CDK10: variants seen among roughly 807,000 people sequenced by gnomAD.
CDK10 encodes the protein cyclin dependent kinase 10, also known as cyclin-dependent kinase 10.
In CDK10, 55 loss-of-function variants were observed where a neutral mutation model predicts 51.0. The observed-to-expected ratio is 1.08, with a 90% CI of 0.87 to 1.35. CDK10 has a LOEUF of 1.35. Among genes scored for constraint, CDK10 ranks in the 40% most tolerant of loss-of-function variants. CDK10 has a pLI of 0.00. For missense variants in CDK10, 589 were observed against 485.1 expected (o/e 1.21, Z -2.01); for synonymous variants, 255 against 199.1 (o/e 1.28, Z -2.36).
At chr16:89,691,777 G>C (rs2060461374) in intron 4 of CDK10, 29 bp from the exon 5 acceptor site, 1 of 1,603,182 alleles carries the variant, frequency 6.2e-7, no homozygotes, top group Admixed American at 1.7e-5. Flanking sequence ...GAAGGCCGGA[G>C]AGTGGCATGC....
At chr16:89,693,211 G>T in intron 6 of CDK10, 63 bp from the exon 7 acceptor site, 1 of 1,462,096 alleles carries the variant, frequency 6.8e-7, no homozygotes, top group Middle Eastern at 1.8e-4. Context: ...CATTGGTGCC[G>T]TGGGGGAGCT....
Position 89,695,773 on chromosome 16 carries a change from T to A in CDK10, c.*81T>A. On this transcript the variant is annotated 3_prime_UTR_variant, in exon 13 of 13. Transcript: ENST00000353379. ...CTGTGAAGGGTGCCGCGAGCCAGGC[T>A]GACCAGGCGCCCGGGATCCAGCTCA... 6.3e-7 allele frequency: 1 copy of A among 1,583,622 alleles called. No homozygotes were observed. Among genetic ancestry groups the A allele is most frequent in the Non-Finnish European group, 8.6e-7 (1 of 1,167,978 alleles).
chr16:89,695,996 G>A lies in CDK10; in HGVS notation c.*304G>A, dbSNP rs1307724685. On this transcript the variant is annotated 3_prime_UTR_variant, in exon 13 of 13. Transcript: ENST00000353379. ...GCTATGTTGGAAATGTGCAACCACT[G>A]CTTCTTGGGAGGAGTGGTGGGTGCA... 20 of 606,744 alleles carry A rather than the reference G, an allele frequency of 3.3e-5. No individual in the cohort carries two copies. The highest frequency in any genetic ancestry group is 5.6e-5 in the Non-Finnish European group (19 of 339,922). 37.6% of individuals were successfully genotyped at this position (606,744 alleles called of 1,614,324 possible). A position where few individuals can be genotyped will look rare whatever the true frequency, so the allele number is the denominator to read the frequency against.
At chr16:89,694,316 AG>A in intron 9 of CDK10, 84 bp downstream of exon 9, 1 of 1,411,668 alleles carries the variant, frequency 7.1e-7, no homozygotes, top group Non-Finnish European at 9.9e-7. Context: ...GCTCAGCCTC[AG>A]GGGAGGGGCA....
At chr16:89,694,006 A>G (rs2060576029) in intron 8 of CDK10, 167 bp from the exon 9 acceptor site, 2 of 677,184 alleles carry the variant, frequency 3.0e-6, no homozygotes, top group Admixed American at 2.4e-5. Flanking sequence ...GCCCCCGGCA[A>G]CCATTGCTGT....
In CDK10 at chr16:89,692,712, C is replaced by G. The variant is rs537990455; in HGVS notation, c.485+196C>G. 6.5e-5 allele frequency: 28 copies of G among 427,962 alleles called. No homozygotes were observed. The South Asian group carries it at 6.9e-4, about 11-fold the overall frequency. 26.5% of individuals were successfully genotyped at this position (427,962 alleles called of 1,614,324 possible). A position where few individuals can be genotyped will look rare whatever the true frequency, so the allele number is the denominator to read the frequency against. On this transcript the variant is annotated intron_variant, in intron 6 of 12. Coordinates refer to ENST00000353379, the MANE Select transcript of CDK10 (RefSeq NM_052988.5). ...CAGGCTGGTCTCACACACTTGGGCTCAAGTGATCCACCCACCTTGGCCTCC... is the reference window on the plus strand; with the variant it reads ...CAGGCTGGTCTCACACACTTGGGCTGAAGTGATCCACCCACCTTGGCCTCC...
chr16:89,692,241 A>C (rs1326058727), intron 5 of CDK10: 2 of 497,812 alleles, frequency 4.0e-6, no homozygotes, highest in African/African-American at 2.3e-5. Context: ...CTGCTGGGAG[A>C]GTGCAGCCCC....
At chr16:89,694,818 C>T (rs573527013) in intron 10 of CDK10, 30 bp downstream of exon 10, 5 of 1,203,458 alleles carry the variant, frequency 4.2e-6, no homozygotes, top group Admixed American at 2.9e-5. Context: ...CCGCAGCCCC[C>T]GCCCGTGCCC....
In CDK10 at chr16:89,694,766, C is replaced by T. The variant is rs1457917965; in HGVS notation, c.770C>T (p.Thr257Met). The T allele has an allele frequency of 5.8e-6, 9 of 1,565,082 alleles. No individual in the cohort carries two copies. Among genetic ancestry groups the T allele is most frequent in the East Asian group, 2.4e-5 (1 of 41,472 alleles). ...QIDLIVQLLG[T>M]PSENIWPGFS... ...GACTTGATCGTGCAGCTGCTGGGCACGCCCAGTGAGAACATCTGGCCGGTG... is the reference window on the plus strand; with the variant it reads ...GACTTGATCGTGCAGCTGCTGGGCATGCCCAGTGAGAACATCTGGCCGGTG... Residue 257 changes from threonine to methionine, a missense_variant, in exon 10 of 13, where the codon ACG becomes ATG. Thr to Met is a moderately conservative substitution (Grantham distance 81, BLOSUM62 -1). Coordinates refer to ENST00000353379, the MANE Select transcript of CDK10 (RefSeq NM_052988.5).
chr16:89,687,705 GGCGTGAGCCACC>G, intron 1 of CDK10: 2 of 415,440 alleles, frequency 4.8e-6, no homozygotes, highest in South Asian at 3.4e-5. Context: ...TGGAATTACA[GGCGTGAGCCACC>G]GCCCCCAGCC....
Position 89,691,833 on chromosome 16 carries a change from G to A in CDK10, c.363G>A (p.Glu121=). 6.2e-7 allele frequency: 1 copy of A among 1,614,060 alleles called. No homozygotes were observed. Among genetic ancestry groups the A allele is most frequent in the South Asian group, 1.1e-5 (1 of 91,076 alleles). ...TCTTCCTGGTGATGGGTTACTGTGAGCAGGACCTGGCCAGCCTCCTGGAGA... is the reference window on the plus strand; with the variant it reads ...TCTTCCTGGTGATGGGTTACTGTGAACAGGACCTGGCCAGCCTCCTGGAGA... ...ESIFLVMGYC[E]QDLASLLENM... is the part of the protein sequence containing the mutation. Residue 121 remains glutamate (E), a synonymous_variant, in exon 5 of 13, where the codon GAG becomes GAA. Transcript: ENST00000353379.
chr16:89,695,699 G>C lies in CDK10; in HGVS notation c.*7G>C, dbSNP rs1387700421. 2.1e-5 allele frequency: 33 copies of C among 1,592,670 alleles called. No homozygotes were observed. The highest frequency in any genetic ancestry group is 3.5e-5 in the Admixed American group (2 of 57,704). ...CAAGCGCTGTAAACCCTGACGGTGG[G>C]CCTGGCACACGCCTGTATTCCCACA... On this transcript the variant is annotated 3_prime_UTR_variant, in exon 13 of 13. Transcript: ENST00000353379.
intron 4 of CDK10, 33 bp downstream of exon 4, chr16:89,691,578 T>C (rs1472531668): frequency 2.2e-6 from 3 of 1,380,360 alleles, no homozygotes; most frequent in South Asian, 1.2e-5. Flanking sequence ...CATTGGGCCC[T>C]AGGGAGCATG....
intron 12 of CDK10, 43 bp downstream of exon 12, chr16:89,695,388 G>C: frequency 6.3e-7 from 1 of 1,594,198 alleles, no homozygotes; most frequent in East Asian, 2.2e-5. Context: ...GGGTATGGCT[G>C]GGAGCCCGTT....
chr16:89,689,394 G>A (rs538019868), intron 2 of CDK10, 70 bp downstream of exon 2: 544 of 1,400,746 alleles, frequency 3.9e-4, no homozygotes, highest in Non-Finnish European at 5.2e-4. Context: ...GACTGTCGAA[G>A]CAGCAGCCGC....
At chr16:89,693,664 C>A in intron 8 of CDK10, 197 bp downstream of exon 8, 1 of 611,324 alleles carries the variant, frequency 1.6e-6, no homozygotes, top group Non-Finnish European at 2.9e-6. Context: ...GAGACGGGCT[C>A]AGTGGCGTCA....
intron 6 of CDK10, 30 bp downstream of exon 6, chr16:89,692,546 A>G: frequency 6.5e-7 from 1 of 1,544,352 alleles, no homozygotes; most frequent in Non-Finnish European, 8.8e-7. Flanking sequence ...AGTTGGAAGC[A>G]CAAATTCGGC....
At chr16:89,691,982 G>C in intron 5 of CDK10, 95 bp downstream of exon 5, 1 of 972,722 alleles carries the variant, frequency 1.0e-6, no homozygotes, top group South Asian at 1.5e-5. Flanking sequence ...GACTTGAAGA[G>C]CTGCTGCTGC....
Position 89,695,290 on chromosome 16 carries a change from C to T in CDK10, c.933-3C>T, listed in dbSNP as rs1276799295. On this transcript the variant is annotated splice_polypyrimidine_tract_variant and splice_region_variant and intron_variant, in intron 11 of 12. Transcript: ENST00000353379. ...TCGCACTAACGCAGGCTGCCTCCTCCAGGGCGACGGCCGGGGACTGCCTGG... is the reference window on the plus strand; with the variant it reads ...TCGCACTAACGCAGGCTGCCTCCTCTAGGGCGACGGCCGGGGACTGCCTGG... 4.3e-6 allele frequency: 7 copies of T among 1,609,866 alleles called. No homozygotes were observed. The African/African-American group carries it at 8.0e-5, about 18-fold the overall frequency.
Sources: allele counts gnomAD v4.1 joint callset, GRCh38; gene constraint gnomAD v4.1.1; transcripts MANE v1.5; gene names NCBI Gene and HGNC (gene_info 2026-07-23, HGNC 2026-07-21).